The following SEMA6A variants were observed in gnomAD, a reference collection of about 807,000 sequenced individuals.
SEMA6A encodes semaphorin 6A.
Under a neutral mutation model 96.8 loss-of-function variants are expected in SEMA6A, and 25 were observed. That is an observed-to-expected ratio of 0.26 (90% CI 0.19 to 0.36). The LOEUF (loss-of-function observed/expected upper bound fraction) is 0.36, where lower values mean the gene tolerates loss of function less well. Ranked by LOEUF, SEMA6A falls within the 10% of genes least tolerant of loss-of-function variation. The pLI is 1.00. For synonymous variants in SEMA6A, 612 were observed against 518.0 expected, an observed-to-expected ratio of 1.18 and a Z score of -2.46; for missense variants, 1,363 against 1,323.1, an observed-to-expected ratio of 1.03 and a Z score of -0.47.
rs183545642 is a variant in SEMA6A, at chr5:116,446,171, C to T, written c.*442G>A. 651 of 159,418 alleles carry T rather than the reference C, an allele frequency of 4.1e-3. 6 individuals carry two copies. Among genetic ancestry groups the T allele is most frequent in the African/African-American group, 0.015 (617 of 41,620 alleles). The allele number at this position is 159,418 out of a possible 1,614,324, so 9.9% of individuals were successfully genotyped here. ...TGTATTTGTGTTTTGCAGGTTGGAA[C>T]GCAAACCCAGTCTGGCCACGTCCCG... On this transcript the variant is annotated 3_prime_UTR_variant, in exon 19 of 19. Coordinates refer to ENST00000343348, the MANE Select transcript of SEMA6A (RefSeq NM_020796.5).
At chr5:116,546,045 A>G (rs1243392614) in intron 1 of SEMA6A, among the ~76,000 whole-genome samples, 1 of 152,240 alleles carries the variant, frequency 6.6e-6, no homozygotes, top group Non-Finnish European at 1.5e-5. Context: ...AATCATTTCA[A>G]TAATAAGTAT....
At chr5:116,509,329 CACTT>C (rs1758294632) in intron 1 of SEMA6A, among the ~76,000 whole-genome samples, 1 of 152,134 alleles carries the variant, frequency 6.6e-6, no homozygotes, top group Non-Finnish European at 1.5e-5. Context: ...TGAGCAAAGT[CACTT>C]ACTACCATGT....
At chr5:116,481,095 C>A (rs763828428) in intron 11 of SEMA6A, among the ~76,000 whole-genome samples, 2 of 152,288 alleles carry the variant, frequency 1.3e-5, no homozygotes, top group East Asian at 1.9e-4. Flanking sequence ...AAGGCACTAA[C>A]CCAGCCAGCC....
intron 10 of SEMA6A, among the ~76,000 whole-genome samples, chr5:116,485,091 A>G (rs1756988128): frequency 6.6e-6 from 1 of 152,210 alleles, no homozygotes; most frequent in Non-Finnish European, 1.5e-5. Flanking sequence ...ATAGATGACA[A>G]TGGGTATGTA....
At chr5:116,528,792 G>A (rs1759339874) in intron 1 of SEMA6A, among the ~76,000 whole-genome samples, 1 of 152,160 alleles carries the variant, frequency 6.6e-6, no homozygotes, top group South Asian at 2.1e-4. Context: ...TGTATTGTGG[G>A]GGACTGCTGT....
intron 11 of SEMA6A, among the ~76,000 whole-genome samples, chr5:116,480,804 AT>A (rs560253955): frequency 3.5e-3 from 528 of 152,158 alleles, no homozygotes; most frequent in Non-Finnish European, 5.7e-3. Context: ...TTTGTTTCTT[AT>A]TGTTGTTTTT....
intron 1 of SEMA6A, among the ~76,000 whole-genome samples, chr5:116,573,401 C>G (rs1761318857): frequency 6.8e-6 from 1 of 148,018 alleles, no homozygotes; most frequent in Non-Finnish European, 1.5e-5. Flanking sequence ...AGGAGGGACG[C>G]AGCCGCGACG....
chr5:116,507,341 A>G (rs1388784125), intron 1 of SEMA6A, among the ~76,000 whole-genome samples: 1 of 152,054 alleles, frequency 6.6e-6, no homozygotes, highest in Non-Finnish European at 1.5e-5. Context: ...TTGGGCCCTA[A>G]CCCTTGTAAA....
At chr5:116,546,058 G>A (rs140347565) in intron 1 of SEMA6A, among the ~76,000 whole-genome samples, 2 of 152,338 alleles carry the variant, frequency 1.3e-5, no homozygotes, top group Admixed American at 6.5e-5. Flanking sequence ...ATAAGTATGT[G>A]TTGGAAACCA....
intron 18 of SEMA6A, among the ~76,000 whole-genome samples, chr5:116,463,400 A>G (rs1259199272): frequency 1.3e-5 from 2 of 152,250 alleles, no homozygotes; most frequent in Admixed American, 6.5e-5. Flanking sequence ...AAAGAGAATT[A>G]TTGATAACAT....
At chr5:116,499,076 G>C in intron 3 of SEMA6A, 1 of 152,174 alleles carries the variant, frequency 6.6e-6, no homozygotes, top group Non-Finnish European at 1.5e-5. Flanking sequence ...TTCTGGATGG[G>C]ACTTGGCTTG....
chr5:116,502,495 G>T (rs1207361953), intron 2 of SEMA6A, 168 bp from the exon 3 acceptor site: 2 of 598,850 alleles, frequency 3.3e-6, no homozygotes, highest in Non-Finnish European at 6.0e-6. Context: ...TATGATAGAA[G>T]AGTGCTCCTT....
At chr5:116,478,840 A>G (rs1284981091) in intron 12 of SEMA6A, 122 bp from the exon 13 acceptor site, 36 of 923,904 alleles carry the variant, frequency 3.9e-5, no homozygotes, top group Non-Finnish European at 5.8e-5. Context: ...ATATATGCAT[A>G]TAAATAATGT....
At chr5:116,516,147 A>G (rs1758657337) in intron 1 of SEMA6A, among the ~76,000 whole-genome samples, 1 of 152,162 alleles carries the variant, frequency 6.6e-6, no homozygotes, top group African/African-American at 2.4e-5. Context: ...AGCCAAAAAT[A>G]GAGTTTCTAT....
chr5:116,486,992 A>G, intron 9 of SEMA6A, 26 bp from the exon 10 acceptor site: 2 of 1,528,136 alleles, frequency 1.3e-6, no homozygotes, highest in African/African-American at 1.4e-5. Flanking sequence ...ACATAGGGAA[A>G]ATTAAATGCA....
At position 116,478,458 on chromosome 5, in the gene SEMA6A, A is replaced by C. The variant is rs1391679203; in HGVS notation, c.1427+84T>G. ...GTCATCTAAAAATGCATAAAACCTC[A>C]GTCGGTCATGATTTTCTCTGAATGA... On this transcript the variant is annotated intron_variant, in intron 13 of 18. Transcript: ENST00000343348. The C allele has an allele frequency of 4.4e-6, 6 of 1,352,908 alleles. No individual in the cohort carries two copies. In the African/African-American group the frequency reaches 5.9e-5, roughly 13 times the overall value. 83.8% of individuals were successfully genotyped at this position (1,352,908 alleles called of 1,614,324 possible).
intron 3 of SEMA6A, among the ~76,000 whole-genome samples, chr5:116,499,676 T>C (rs1185493812): frequency 1.3e-5 from 2 of 152,224 alleles, no homozygotes; most frequent in Non-Finnish European, 2.9e-5. Context: ...AACATGTCAA[T>C]GCTACAGTGA....
At chr5:116,548,747 C>G (rs946745381) in intron 1 of SEMA6A, among the ~76,000 whole-genome samples, 3 of 152,208 alleles carry the variant, frequency 2.0e-5, no homozygotes, top group African/African-American at 4.8e-5. Context: ...GGCTTCAATT[C>G]ACCTTAAAAC....
At chr5:116,464,363 T>C (rs1349136909) in intron 18 of SEMA6A, among the ~76,000 whole-genome samples, 1 of 152,154 alleles carries the variant, frequency 6.6e-6, no homozygotes, top group Non-Finnish European at 1.5e-5. Flanking sequence ...ATCCAGGGCT[T>C]GAAAGATATC....
Sources: gnomAD v4.1 joint callset for allele counts (sites outside exome capture counted in the v4.1 genomes callset) on GRCh38, gnomAD v4.1.1 for gene constraint, MANE v1.5 for transcripts, NCBI Gene and HGNC (gene_info 2026-07-23, HGNC 2026-07-21) for gene names.